RNF17: variants seen among roughly 807,000 people sequenced by gnomAD.
The protein encoded by RNF17 is spermatogenesis associated 23.
In RNF17, 31 loss-of-function variants were observed where a neutral mutation model predicts 200.5. The ratio of observed to expected loss-of-function variants is 0.15; its 90% CI spans 0.12 to 0.21. The LOEUF is 0.21. Among genes scored for constraint, RNF17 ranks in the 10% least tolerant of loss-of-function variants. The pLI, the probability that RNF17 is intolerant of heterozygous loss-of-function variation, is 1.00. For missense variants in RNF17, 1,628 were observed against 1,905.1 expected (o/e 0.85, Z 2.71); for synonymous variants, 606 against 637.8 (o/e 0.95, Z 0.75).
chr13:24,782,612 G>GC (rs549632648), intron 6 of RNF17, among the ~76,000 whole-genome samples: 26 of 151,484 alleles, frequency 1.7e-4, no homozygotes, highest in Non-Finnish European at 2.5e-4. Context: ...AGATGGGGGG[G>GC]GGATCTTTGA....
At chr13:24,756,664 G>A in the RNF17 span, among the ~76,000 whole-genome samples, 8 of 152,076 alleles carry the variant, frequency 5.3e-5, no homozygotes, top group Middle Eastern at 3.2e-3. Flanking sequence ...TGTGGCATCC[G>A]TTCCCTTTCC....
intron 2 of RNF17, among the ~76,000 whole-genome samples, chr13:24,767,861 AG>A (rs1366922961): frequency 6.6e-6 from 1 of 152,206 alleles, no homozygotes; most frequent in African/African-American, 2.4e-5. Context: ...TAAAGTGATC[AG>A]GAAAAATAAA....
intron 6 of RNF17, among the ~76,000 whole-genome samples, chr13:24,787,167 T>C (rs1047256168): frequency 6.6e-6 from 1 of 152,156 alleles, no homozygotes; most frequent in Non-Finnish European, 1.5e-5. Flanking sequence ...AATTTCTGTT[T>C]GGTTATTTTA....
chr13:24,858,257 T>G (rs1892734301), intron 25 of RNF17, among the ~76,000 whole-genome samples: 1 of 152,206 alleles, frequency 6.6e-6, no homozygotes, highest in Non-Finnish European at 1.5e-5. Flanking sequence ...AAAATAACGT[T>G]TGAGACCTGT....
intron 27 of RNF17, among the ~76,000 whole-genome samples, chr13:24,862,405 A>G (rs1893189622): frequency 6.6e-6 from 1 of 152,214 alleles, no homozygotes; most frequent in Non-Finnish European, 1.5e-5. Context: ...CTGCATTGGC[A>G]TATTGGTCTT....
chr13:24,815,218 C>T (rs547000618), intron 15 of RNF17, among the ~76,000 whole-genome samples: 105 of 152,210 alleles, frequency 6.9e-4, no homozygotes, highest in South Asian at 6.0e-3. Context: ...TAATATCTTT[C>T]AACAGTTTTG....
chr13:24,817,794 AC>A (rs1480792211), intron 15 of RNF17, among the ~76,000 whole-genome samples: 1 of 151,828 alleles, frequency 6.6e-6, no homozygotes, highest in Non-Finnish European at 1.5e-5. Flanking sequence ...TTAACTTCAG[AC>A]TTCTCTTTCT....
At chr13:24,884,904 C>T (rs996057718), downstream of RNF17, among the ~76,000 whole-genome samples, 5 of 152,324 alleles carry the variant, frequency 3.3e-5, no homozygotes, top group East Asian at 5.8e-4. Flanking sequence ...CCCTTTCTTC[C>T]TCATTCCCTT....
At chr13:24,749,307 C>CTTTCTTTTTT in the RNF17 span, among the ~76,000 whole-genome samples, 31 of 108,018 alleles carry the variant, frequency 2.9e-4, no homozygotes, top group African/African-American at 8.3e-4. Context: ...TTCTTTCTTT[C>CTTTCTTTTTT]TTTTTTTTTT....
downstream of RNF17, chr13:24,884,554 TG>T (rs1311105239): frequency 1.6e-6 from 2 of 1,224,370 alleles, no homozygotes; most frequent in Non-Finnish European, 2.4e-6. Flanking sequence ...TGAAATTTTT[TG>T]TAATAAAATG....
intron 18 of RNF17, among the ~76,000 whole-genome samples, chr13:24,834,980 G>A (rs927593993): frequency 2.0e-5 from 3 of 152,188 alleles, no homozygotes; most frequent in Admixed American, 6.5e-5. Flanking sequence ...GGGGCTGATG[G>A]GGGGAACACA....
chr13:24,757,209 T>TTGATTCACACCC, the RNF17 span, among the ~76,000 whole-genome samples: 1 of 151,870 alleles, frequency 6.6e-6, no homozygotes, highest in South Asian at 2.1e-4. Flanking sequence ...AGAACAGTCC[T>TTGATTCACACCC]TTCATCCCTC....
chr13:24,784,494 T>G (rs1882835188), intron 6 of RNF17, among the ~76,000 whole-genome samples: 1 of 152,164 alleles, frequency 6.6e-6, no homozygotes, highest in Admixed American at 6.5e-5. Flanking sequence ...TTGGGAGGTT[T>G]TTTGATTACT....
intron 15 of RNF17, among the ~76,000 whole-genome samples, 163 bp from the exon 16 acceptor site, chr13:24,825,456 T>C (rs901810228): frequency 6.6e-6 from 1 of 152,200 alleles, no homozygotes; most frequent in Non-Finnish European, 1.5e-5. Context: ...ATACTGGTTC[T>C]GCAATAAAAT....
intron 15 of RNF17, among the ~76,000 whole-genome samples, chr13:24,815,748 T>A (rs1887323334): frequency 6.6e-6 from 1 of 152,192 alleles, no homozygotes; most frequent in African/African-American, 2.4e-5. Flanking sequence ...TTTCCTTCTG[T>A]CTCTTGTTTA....
chr13:24,847,007 T>C (rs557390594), intron 22 of RNF17, among the ~76,000 whole-genome samples: 3 of 146,414 alleles, frequency 2.0e-5, no homozygotes, highest in East Asian at 4.0e-4. Context: ...ATAAAAACTT[T>C]AATGAACCTG....
At position 24,844,653 on chromosome 13, in the gene RNF17, T is replaced by G; in HGVS notation, c.2833T>G (p.Leu945Val). 6.3e-7 allele frequency: 1 copy of G among 1,584,696 alleles called. No homozygotes were observed. The change falls in exon 21 of 36, where the codon TTA (leucine) becomes GTA (valine). Residue 945 changes from leucine to valine, a missense_variant and splice_region_variant. By Grantham distance (32) the Leu-to-Val change is conservative (BLOSUM62 1). Transcript: ENST00000255324. ...WLLTENLLNS[L>V]EEKMIAAYEN... ...GTTAAATATTTTTTATCTCTATAGT[T>G]TAGAAGAAAAGATGATAGCTGCTTA...
chr13:24,878,539 A>G (rs942948826), intron 34 of RNF17, among the ~76,000 whole-genome samples: 2 of 152,162 alleles, frequency 1.3e-5, no homozygotes, highest in African/African-American at 4.8e-5. Flanking sequence ...GAAGCTGACA[A>G]TGCAGCTGCT....
chr13:24,862,569 T>C (rs553059649), intron 27 of RNF17, 144 bp from the exon 28 acceptor site: 4 of 570,548 alleles, frequency 7.0e-6, no homozygotes, highest in Non-Finnish European at 1.3e-5. Flanking sequence ...ATCATGTACC[T>C]ATGATATTCT....
Sources: gnomAD v4.1 joint callset for allele counts (sites outside exome capture counted in the v4.1 genomes callset) on GRCh38, gnomAD v4.1.1 for gene constraint, MANE v1.5 for transcripts, NCBI Gene and HGNC (gene_info 2026-07-23, HGNC 2026-07-21) for gene names.